MEI4: variants seen among roughly 807,000 people sequenced by gnomAD.
The protein encoded by MEI4 is meiotic double-stranded break formation protein 4.
In MEI4, 27 loss-of-function variants were observed where a neutral mutation model predicts 31.4. That is an observed-to-expected ratio of 0.86 (90% CI 0.63 to 1.19). The LOEUF (loss-of-function observed/expected upper bound fraction) is 1.19. Among genes scored for constraint, MEI4 ranks in the 50% most tolerant of loss-of-function variants. MEI4 has a pLI of 0.00. For synonymous variants in MEI4, 122 were observed against 145.4 expected, an observed-to-expected ratio of 0.84 and a Z score of 1.16; for missense variants, 329 against 398.9, an observed-to-expected ratio of 0.82 and a Z score of 1.49.
rs539453738 is a variant in MEI4 at position 77,803,827 on chromosome 6, A to C, written c.769-25104A>C. 1.6e-3 allele frequency among the ~76,000 whole-genome samples: 243 copies of C among 152,122 alleles called. 1 individual carries two copies. The highest frequency in any genetic ancestry group is 5.2e-3 in the African/African-American group (217 of 41,506). ...CAAATGTTGCTGCCCGATCGTTCCT[A>C]TGGAAGTTTTGTCTCAGAGGAGTAC... On this transcript the variant is annotated intron_variant, in intron 3 of 4. Coordinates refer to ENST00000684080, the MANE Select transcript of MEI4 (RefSeq NM_001322247.2).
intron 4 of MEI4, among the ~76,000 whole-genome samples, chr6:77,916,571 T>A (rs990399116): frequency 6.6e-6 from 1 of 152,092 alleles, no homozygotes. Context: ...ATTTCCTCCA[T>A]GGCTTTACCT....
chr6:77,761,329 A>G lies in MEI4; in HGVS notation c.432A>G (p.Gln144=). The G allele has an allele frequency of 8.1e-7, 1 of 1,232,578 alleles. No individual in the cohort carries two copies. Among genetic ancestry groups the G allele is most frequent in the Non-Finnish European group, 1.0e-6 (1 of 988,034 alleles). The allele number at this position is 1,232,578 out of a possible 1,614,324, so 76.4% of individuals were successfully genotyped here. A position where few individuals can be genotyped will look rare whatever the true frequency, so the allele number is the denominator to read the frequency against. The change falls in exon 3 of 5, where the codon CAA becomes CAG. Residue 144 remains glutamine, a synonymous_variant. Transcript: ENST00000684080. ...TGAAAAGACCTTGTGCTATCCTGCA[A>G]AATCCTTTGTCTTCTCACATGCAAT... is the stretch of plus-strand genomic sequence containing the variant. The part of the protein sequence containing the change: ...PLVKRPCAIL[Q]NPLSSHMQFL...
At chr6:77,729,056 C>A (rs541587778) in intron 2 of MEI4, among the ~76,000 whole-genome samples, 1 of 152,080 alleles carries the variant, frequency 6.6e-6, no homozygotes, top group Non-Finnish European at 1.5e-5. Flanking sequence ...AGAGAAGCCC[C>A]GGAAAGGGAG....
intron 2 of MEI4, among the ~76,000 whole-genome samples, chr6:77,711,861 T>G (rs1032675300): frequency 6.6e-6 from 1 of 152,350 alleles, no homozygotes; most frequent in East Asian, 1.9e-4. Flanking sequence ...TTTGTTATCA[T>G]ATGTGGCTTA....
chr6:77,745,928 C>T (rs1056494744), intron 2 of MEI4, among the ~76,000 whole-genome samples: 1 of 152,058 alleles, frequency 6.6e-6, no homozygotes, highest in Admixed American at 6.5e-5. Context: ...CCAACGAGAA[C>T]AAAGACACAA....
chr6:77,666,873 G>C lies in MEI4; in HGVS notation c.-15+13781G>C, dbSNP rs543193219. 3.5e-3 allele frequency among the ~76,000 whole-genome samples: 488 copies of C among 140,208 alleles called. 3 individuals carry two copies. The highest frequency in any genetic ancestry group is 0.012 in the African/African-American group (476 of 38,174). The allele number at this position is 140,208 out of a possible 152,430, so 92.0% of individuals were successfully genotyped here. The stretch of plus-strand genomic sequence containing the variant: ...TACATGCCTCTGTGTGTGTGTGTGT[G>C]TGTGTGTGTGCGTGCGTGCGTGCGT... On this transcript the variant is annotated intron_variant, in intron 1 of 4. Coordinates refer to ENST00000684080, the MANE Select transcript of MEI4 (RefSeq NM_001322247.2).
At chr6:77,815,967 G>A (rs189408358) in intron 3 of MEI4, among the ~76,000 whole-genome samples, 2 of 151,688 alleles carry the variant, frequency 1.3e-5, no homozygotes, top group Admixed American at 1.3e-4. Context: ...GTGCTTATAG[G>A]CAGAGCCAAT....
At chr6:77,756,639 C>G (rs1767926175) in intron 2 of MEI4, among the ~76,000 whole-genome samples, 1 of 151,056 alleles carries the variant, frequency 6.6e-6, no homozygotes, top group Admixed American at 6.6e-5. Flanking sequence ...CTCTCTCTCT[C>G]TTTCTCTCCC....
chr6:77,761,014 G>T, intron 2 of MEI4, 116 bp from the exon 3 acceptor site: 2 of 672,352 alleles, frequency 3.0e-6, no homozygotes, highest in African/African-American at 1.9e-5. Flanking sequence ...CTTGTTAAAT[G>T]CTTAATGTGT....
rs1346723242 is a variant in MEI4, at chr6:77,720,528, T to G, written c.232+29625T>G. 1.9e-4 allele frequency among the ~76,000 whole-genome samples: 27 copies of G among 138,564 alleles called. 3 individuals are homozygous for G. Among genetic ancestry groups the G allele is most frequent in the Admixed American group, 1.7e-3 (23 of 13,808 alleles). The allele number at this position is 138,564 out of a possible 152,430, so 90.9% of individuals were successfully genotyped here. Reference sequence around the variant, plus strand: ...ATGTGAATAAGTATCAACTGTTACATGAACATATGATAATCTTCCAAATGA... The same window carrying G: ...ATGTGAATAAGTATCAACTGTTACAGGAACATATGATAATCTTCCAAATGA... On this transcript the variant is annotated intron_variant, in intron 2 of 4. Coordinates refer to ENST00000684080, the MANE Select transcript of MEI4 (RefSeq NM_001322247.2).
At chr6:77,880,665 C>CT (rs1264664746) in intron 4 of MEI4, among the ~76,000 whole-genome samples, 1 of 152,154 alleles carries the variant, frequency 6.6e-6, no homozygotes, top group South Asian at 2.1e-4. Context: ...TTCTTGACCT[C>CT]TTAAGTGACA....
chr6:77,823,952 G>A (rs1229568163), intron 3 of MEI4, among the ~76,000 whole-genome samples: 2 of 152,272 alleles, frequency 1.3e-5, no homozygotes, highest in South Asian at 4.1e-4. Context: ...TTAATTCAGA[G>A]TAGTAATTAG....
chr6:77,829,348 G>A lies in MEI4; in HGVS notation c.900+286G>A, dbSNP rs1770026393. ...AGATGAACAGCTTTAAATCCCTCCA[G>A]GCAGGCAGCATGTTTCTAAAGCAAA... On this transcript the variant is annotated intron_variant, in intron 4 of 4. Transcript: ENST00000684080. Among the ~76,000 whole-genome samples, 5 of 152,140 alleles carry A rather than the reference G, an allele frequency of 3.3e-5. No homozygotes were observed. The South Asian group carries it at 1.0e-3, about 32-fold the overall frequency.
intron 2 of MEI4, among the ~76,000 whole-genome samples, chr6:77,709,302 G>A (rs1308207342): frequency 6.6e-6 from 1 of 152,100 alleles, no homozygotes; most frequent in Non-Finnish European, 1.5e-5. Flanking sequence ...TACATCACAC[G>A]AAGAACAAAG....
At chr6:77,919,648 CA>C (rs1371427713) in intron 4 of MEI4, among the ~76,000 whole-genome samples, 1 of 149,724 alleles carries the variant, frequency 6.7e-6, no homozygotes, top group Non-Finnish European at 1.5e-5. Flanking sequence ...TAACTAAAAT[CA>C]GAGCAGAACT....
At chr6:77,759,772 T>A (rs1020882857) in intron 2 of MEI4, among the ~76,000 whole-genome samples, 2 of 152,174 alleles carry the variant, frequency 1.3e-5, no homozygotes, top group Non-Finnish European at 2.9e-5. Flanking sequence ...TTGGGACTAA[T>A]AGAGGTGCTT....
At chr6:77,728,070 G>T (rs1473089284) in intron 2 of MEI4, among the ~76,000 whole-genome samples, 1 of 152,156 alleles carries the variant, frequency 6.6e-6, no homozygotes, top group Non-Finnish European at 1.5e-5. Context: ...TGAAAGAATT[G>T]GAAGGTGAAT....
chr6:77,699,884 C>T (rs574602666), intron 2 of MEI4, among the ~76,000 whole-genome samples: 1 of 151,992 alleles, frequency 6.6e-6, no homozygotes, highest in Non-Finnish European at 1.5e-5. Context: ...GCAGTGGCTG[C>T]AGAACAGCGG....
intron 2 of MEI4, among the ~76,000 whole-genome samples, chr6:77,693,477 TTG>T (rs750314937): frequency 6.6e-6 from 1 of 152,058 alleles, no homozygotes; most frequent in Non-Finnish European, 1.5e-5. Flanking sequence ...AGGTGATAGC[TTG>T]TTTTTATGCT....
Sources: allele counts gnomAD v4.1 joint callset (sites outside exome capture counted in the v4.1 genomes callset), GRCh38; gene constraint gnomAD v4.1.1; transcripts MANE v1.5; gene names NCBI Gene and HGNC (gene_info 2026-07-23, HGNC 2026-07-21).